The following ABCA13 variants were observed in gnomAD, a reference collection of about 807,000 sequenced individuals.
The protein encoded by ABCA13 is ATP binding cassette subfamily A member 13, also known as ATP-binding cassette sub-family A member 13.
In ABCA13, 476 loss-of-function variants were observed where a neutral mutation model predicts 478.7. The observed-to-expected ratio is 0.99, with a 90% CI of 0.92 to 1.07. ABCA13 has a LOEUF of 1.07. ABCA13 is among the 50% of genes least tolerant of loss of function. The pLI, the probability that ABCA13 is intolerant of heterozygous loss-of-function variation, is 0.00. For missense variants in ABCA13, 6,060 were observed against 5,910.6 expected (o/e 1.03, Z -0.83); for synonymous variants, 2,252 against 2,158.9 (o/e 1.04, Z -1.20).
chr7:48,323,767 C>G (rs1803880403), intron 27 of ABCA13, among the ~76,000 whole-genome samples: 1 of 152,208 alleles, frequency 6.6e-6, no homozygotes, highest in Admixed American at 6.5e-5. Context: ...CCACCCACAT[C>G]TCATCTTGAA....
At chr7:48,618,463 G>A (rs1792810557) in intron 59 of ABCA13, among the ~76,000 whole-genome samples, 1 of 152,052 alleles carries the variant, frequency 6.6e-6, no homozygotes, top group African/African-American at 2.4e-5. Context: ...AAAAATTGAA[G>A]TACAATAAGG....
intron 27 of ABCA13, among the ~76,000 whole-genome samples, chr7:48,321,426 G>A (rs1484869561): frequency 6.6e-6 from 1 of 152,166 alleles, no homozygotes; most frequent in Non-Finnish European, 1.5e-5. Context: ...TACTGGTGAT[G>A]GTCCCAAACA....
rs568904052 is a variant in ABCA13 at position 48,601,416 on chromosome 7, C to G, written c.14744+6603C>G. 1.1e-4 allele frequency among the ~76,000 whole-genome samples: 17 copies of G among 151,888 alleles called. 1 individual carries two copies. In the South Asian group the frequency reaches 2.9e-3, roughly 26 times the overall value. The stretch of plus-strand genomic sequence containing the variant: ...GCAACAGGCCCCGGTGTGTGATGCT[C>G]TCTGTGTCCATGTGTCCTCATTGTT... On this transcript the variant is annotated intron_variant, in intron 58 of 61. Coordinates refer to ENST00000435803, the MANE Select transcript of ABCA13 (RefSeq NM_152701.5).
intron 51 of ABCA13, among the ~76,000 whole-genome samples, chr7:48,514,826 A>G (rs566751601): frequency 2.1e-4 from 32 of 152,292 alleles, no homozygotes; most frequent in Admixed American, 1.6e-3. Flanking sequence ...TTTTGATTTA[A>G]TTAGTTGATT....
chr7:48,326,392 C>T (rs1563056074), intron 27 of ABCA13, among the ~76,000 whole-genome samples: 1 of 152,166 alleles, frequency 6.6e-6, no homozygotes, highest in African/African-American at 2.4e-5. Context: ...AAATTGGTTT[C>T]TTTGTTTTAG....
intron 15 of ABCA13, among the ~76,000 whole-genome samples, chr7:48,253,937 G>GTC (rs1792977965): frequency 6.6e-6 from 1 of 151,100 alleles, no homozygotes; most frequent in Admixed American, 6.6e-5. Flanking sequence ...GTGTGTGTGT[G>GTC]TCTGTGTGTG....
chr7:48,274,760 T>C lies in ABCA13; in HGVS notation c.5094T>C (p.Ser1698=). The change falls in exon 17 of 62, where the codon AGT becomes AGC. Residue 1698 remains serine (S), a synonymous_variant. Transcript: ENST00000435803. ...NLMDFFKNIS[S]VGTGNLVVNL... ...TGGATTTCTTTAAGAATATCAGTAG[T>C]GTGGGAACTGGCAATTTAGTGGTCA... The C allele has an allele frequency of 6.2e-7, 1 of 1,613,944 alleles. No individual in the cohort carries two copies. Among genetic ancestry groups the C allele is most frequent in the Non-Finnish European group, 8.5e-7 (1 of 1,179,848 alleles).
intron 23 of ABCA13, among the ~76,000 whole-genome samples, chr7:48,306,333 T>G (rs1245508435): frequency 6.6e-6 from 1 of 152,224 alleles, no homozygotes; most frequent in African/African-American, 2.4e-5. Context: ...CTGTGTGACA[T>G]GCTAGAAAGT....
At chr7:48,221,529 G>A (rs1787363413) in intron 5 of ABCA13, among the ~76,000 whole-genome samples, 1 of 152,248 alleles carries the variant, frequency 6.6e-6, no homozygotes, top group Non-Finnish European at 1.5e-5. Flanking sequence ...AAAAGCAGAG[G>A]TGAAACCTGA....
chr7:48,341,930 C>CAT (rs1807299129), intron 29 of ABCA13, among the ~76,000 whole-genome samples: 1 of 113,934 alleles, frequency 8.8e-6, no homozygotes, highest in Middle Eastern at 4.9e-3. Flanking sequence ...TATATATACT[C>CAT]ATATATATAT....
chr7:48,268,318 G>A (rs764410801), intron 15 of ABCA13, among the ~76,000 whole-genome samples: 30 of 151,782 alleles, frequency 2.0e-4, no homozygotes, highest in African/African-American at 3.6e-4. Flanking sequence ...CACCACACCC[G>A]GCTAATTTTT....
chr7:48,233,132 TC>T (rs146798832), intron 7 of ABCA13, among the ~76,000 whole-genome samples: 5,135 of 152,264 alleles, frequency 0.034, 277 homozygotes, highest in African/African-American at 0.12. Flanking sequence ...CTTCCTGAAG[TC>T]CCCGTTGACT....
intron 1 of ABCA13, among the ~76,000 whole-genome samples, chr7:48,182,680 GA>G (rs1235537561): frequency 1.3e-5 from 2 of 152,116 alleles, no homozygotes; most frequent in Non-Finnish European, 2.9e-5. Flanking sequence ...AGAGAAGGGA[GA>G]AAAAAATTGG....
chr7:48,618,550 G>A (rs975004644), intron 59 of ABCA13, among the ~76,000 whole-genome samples: 1 of 152,202 alleles, frequency 6.6e-6, no homozygotes, highest in South Asian at 2.1e-4. Flanking sequence ...GGCACACAGG[G>A]TCCCATGAGG....
chr7:48,627,873 A>C (rs1793808990), intron 59 of ABCA13, among the ~76,000 whole-genome samples: 1 of 152,162 alleles, frequency 6.6e-6, no homozygotes, highest in East Asian at 1.9e-4. Flanking sequence ...GCTATGTAAC[A>C]ACCCACTTTA....
Position 48,580,224 on chromosome 7 carries a change from A to C in ABCA13, c.14355A>C (p.Gly4785=). ...CAGCCTGTGCTGCTTCTCTCTGCAG[A>C]GACGCCGTGGACCTGTCTTCTGCTG... is the stretch of plus-strand genomic sequence containing the variant. ...SGHAIIRTPM[G]DAVDLSSAGT... The change falls in exon 56 of 62, where the codon GGA becomes GGC. Residue 4785 remains glycine, a splice_region_variant and synonymous_variant. Coordinates refer to ENST00000435803, the MANE Select transcript of ABCA13 (RefSeq NM_152701.5). 6.2e-7 allele frequency: 1 copy of C among 1,608,154 alleles called. No homozygotes were observed. Among genetic ancestry groups the C allele is most frequent in the South Asian group, 1.1e-5 (1 of 90,028 alleles).
At chr7:48,289,615 T>C (rs529644838) in intron 20 of ABCA13, among the ~76,000 whole-genome samples, 2 of 152,176 alleles carry the variant, frequency 1.3e-5, no homozygotes, top group African/African-American at 2.4e-5. Context: ...CACCTCGACC[T>C]CCCAAAGTGC....
chr7:48,446,814 C>T (rs1824369398), intron 42 of ABCA13, among the ~76,000 whole-genome samples: 1 of 152,186 alleles, frequency 6.6e-6, no homozygotes, highest in Admixed American at 6.5e-5. Context: ...AGGGACATGG[C>T]TGCTGCCAAT....
At chr7:48,573,515 G>GCGA (rs1787881108) in intron 55 of ABCA13, among the ~76,000 whole-genome samples, 1 of 151,960 alleles carries the variant, frequency 6.6e-6, no homozygotes, top group Admixed American at 6.6e-5. Context: ...GGGCAACATA[G>GCGA]CGAGACTCCA....
Sources: allele counts gnomAD v4.1 joint callset (sites outside exome capture counted in the v4.1 genomes callset), GRCh38; gene constraint gnomAD v4.1.1; transcripts MANE v1.5; gene names NCBI Gene and HGNC (gene_info 2026-07-23, HGNC 2026-07-21).